ZC3H11A: variants seen among roughly 807,000 people sequenced by gnomAD.
ZC3H11A encodes the protein zinc finger CCCH-type containing 11A.
ZC3H11A carries 22 observed loss-of-function variants against 90.8 expected under a neutral mutation model. The ratio of observed to expected loss-of-function variants is 0.24; its 90% CI spans 0.17 to 0.35. The LOEUF is 0.35. Ranked by LOEUF, ZC3H11A falls within the 10% of genes least tolerant of loss-of-function variation. The pLI is 1.00. For synonymous variants in ZC3H11A, 294 were observed against 339.8 expected, an observed-to-expected ratio of 0.87 and a Z score of 1.48; for missense variants, 701 against 964.9, an observed-to-expected ratio of 0.73 and a Z score of 3.62.
chr1:203,837,423 A>G (rs928116656), intron 10 of ZC3H11A, among the ~76,000 whole-genome samples: 1 of 150,592 alleles, frequency 6.6e-6, no homozygotes, highest in African/African-American at 2.4e-5. Flanking sequence ...ATGTTTGTGT[A>G]TTCTAATTTT....
chr1:203,804,221 G>C (rs1471920548), intron 2 of ZC3H11A, among the ~76,000 whole-genome samples: 1 of 147,478 alleles, frequency 6.8e-6, no homozygotes, highest in East Asian at 2.0e-4. Flanking sequence ...GCGTGATCTC[G>C]ATTCACTGCA....
intron 4 of ZC3H11A, among the ~76,000 whole-genome samples, chr1:203,819,554 G>A (rs1324314876): frequency 1.6e-5 from 1 of 61,298 alleles, no homozygotes; most frequent in African/African-American, 6.6e-5. Context: ...TTTTTTTTGA[G>A]ACAGAGTTTT....
In ZC3H11A at chr1:203,852,407, A is replaced by G. The variant is rs760611223; in HGVS notation, c.*8A>G. On this transcript the variant is annotated 3_prime_UTR_variant, in exon 18 of 18. Coordinates refer to ENST00000367210, the MANE Select transcript of ZC3H11A (RefSeq NM_001376342.1). ...GAAATGATTGATAGCTGAAGGTGGT[A>G]GTGAGGACACTTTAAAAAAAAAATC... 6.2e-7 allele frequency: 1 copy of G among 1,611,922 alleles called. No individual in the cohort carries two copies. The highest frequency in any genetic ancestry group is 2.2e-5 in the East Asian group (1 of 44,860).
At chr1:203,826,154 T>C (rs1410573270) in intron 4 of ZC3H11A, among the ~76,000 whole-genome samples, 1 of 152,200 alleles carries the variant, frequency 6.6e-6, no homozygotes, top group Non-Finnish European at 1.5e-5. Context: ...GTGGTAGCTA[T>C]TACATCTACC....
chr1:203,839,976 G>T (rs59007205), intron 11 of ZC3H11A, among the ~76,000 whole-genome samples: 1 of 131,454 alleles, frequency 7.6e-6, no homozygotes, highest in Non-Finnish European at 1.7e-5. Flanking sequence ...GCTAATTTTT[G>T]TGTTTTTAGT....
intron 2 of ZC3H11A, among the ~76,000 whole-genome samples, chr1:203,805,400 G>A (rs895612275): frequency 1.3e-5 from 2 of 151,986 alleles, no homozygotes; most frequent in African/African-American, 4.8e-5. Context: ...CAAAGTGCTG[G>A]GATTACAGGT....
chr1:203,818,587 C>T lies in ZC3H11A; in HGVS notation c.72C>T (p.Phe24=). 6.2e-7 allele frequency: 1 copy of T among 1,614,008 alleles called. No individual in the cohort carries two copies. The highest frequency in any genetic ancestry group is 8.5e-7 in the Non-Finnish European group (1 of 1,179,986). ...STCTKGDSCP[F]RHCEAAIGNE... ...GTTTACAGGGTGACAGCTGCCCATTCCGTCACTGTGAAGCTGCAATAGGAA... is the reference window on the plus strand; with the variant it reads ...GTTTACAGGGTGACAGCTGCCCATTTCGTCACTGTGAAGCTGCAATAGGAA... Residue 24 remains phenylalanine (F), a synonymous_variant, in exon 4 of 18, where the codon TTC becomes TTT. Coordinates refer to ENST00000367210, the MANE Select transcript of ZC3H11A (RefSeq NM_001376342.1).
intron 4 of ZC3H11A, among the ~76,000 whole-genome samples, chr1:203,822,047 G>A (rs541564510): frequency 1.8e-4 from 28 of 152,206 alleles, no homozygotes; most frequent in Admixed American, 6.5e-4. Flanking sequence ...GTGAGCCACC[G>A]TGCCTGGCCC....
intron 4 of ZC3H11A, among the ~76,000 whole-genome samples, chr1:203,827,055 G>A (rs1001721171): frequency 6.6e-6 from 1 of 152,066 alleles, no homozygotes; most frequent in Non-Finnish European, 1.5e-5. Context: ...AAATGGAATG[G>A]TATAGTATGC....
chr1:203,850,038 T>C lies in ZC3H11A; in HGVS notation c.1939+12T>C, dbSNP rs376496798. The stretch of plus-strand genomic sequence containing the variant: ...AAAAAGGGGTAAAGGCAAGTATTTC[T>C]ATACTGTGTATTGCTTTAGGTTATC... On this transcript the variant is annotated intron_variant, in intron 15 of 17. Transcript: ENST00000367210. 3.8e-5 allele frequency: 61 copies of C among 1,613,344 alleles called. No individual in the cohort carries two copies. The highest frequency in any genetic ancestry group is 5.0e-5 in the Non-Finnish European group (59 of 1,179,754).
In ZC3H11A at chr1:203,828,304, A is replaced by T; in HGVS notation, c.180A>T (p.Lys60Asn). 6.2e-7 allele frequency: 1 copy of T among 1,614,090 alleles called. No homozygotes were observed. The highest frequency in any genetic ancestry group is 8.5e-7 in the Non-Finnish European group (1 of 1,179,968). The change falls in exon 5 of 18, where the codon AAA becomes AAT. Residue 60 changes from lysine (K) to asparagine (N), a missense_variant. Transcript: ENST00000367210. ...TGTGTTTTTCCCTCTTACAGAAAAAACGCAGTGAAATTCCTTGTTATTGGG... is the reference window on the plus strand; with the variant it reads ...TGTGTTTTTCCCTCTTACAGAAAAATCGCAGTGAAATTCCTTGTTATTGGG... ...CRFRHMEIDK[K>N]RSEIPCYWEN...
chr1:203,808,343 C>G (rs984017952), intron 2 of ZC3H11A, among the ~76,000 whole-genome samples: 1 of 152,096 alleles, frequency 6.6e-6, no homozygotes, highest in Non-Finnish European at 1.5e-5. Flanking sequence ...TGTTGTCAAT[C>G]TGATTTTTCC....
intron 16 of ZC3H11A, 32 bp downstream of exon 16, chr1:203,850,713 T>C (rs1689049166): frequency 6.2e-7 from 1 of 1,601,116 alleles, no homozygotes. Context: ...TGGTGCTTTA[T>C]TCTGTGTGGT....
In ZC3H11A at chr1:203,850,619, G is replaced by A. The variant is rs764689623; in HGVS notation, c.2044G>A (p.Ala682Thr). The change falls in exon 16 of 18, where the codon GCT (alanine) becomes ACT (threonine). Residue 682 changes from alanine to threonine, a missense_variant. Ala to Thr is a moderately conservative substitution (Grantham distance 58). Coordinates refer to ENST00000367210, the MANE Select transcript of ZC3H11A (RefSeq NM_001376342.1). ...GGAGATGCACGCTGCTGTCATTGCC[G>A]CTGTGAAGCCACTCAGCTCCAGCAG... Reference protein sequence around the residue: ...AVEMHAAVIAAVKPLSSSSVL... With the variant: ...AVEMHAAVIATVKPLSSSSVL... 222 of 1,613,988 alleles carry A rather than the reference G, an allele frequency of 1.4e-4. No individual in the cohort carries two copies. The highest frequency in any genetic ancestry group is 1.8e-4 in the Non-Finnish European group (213 of 1,180,018).
intron 1 of ZC3H11A, chr1:203,797,227 A>C (rs1258695804): frequency 5.1e-6 from 1 of 194,584 alleles, no homozygotes; most frequent in East Asian, 1.2e-4. Flanking sequence ...TGACTCTGGG[A>C]AAGGGGGACT....
chr1:203,811,254 G>A (rs555284818), intron 2 of ZC3H11A, among the ~76,000 whole-genome samples: 3 of 152,052 alleles, frequency 2.0e-5, no homozygotes, highest in Admixed American at 6.5e-5. Flanking sequence ...GTTGCAGTCA[G>A]CTGAGGTCGT....
At chr1:203,839,932 T>C (rs913489677) in intron 11 of ZC3H11A, among the ~76,000 whole-genome samples, 1 of 151,300 alleles carries the variant, frequency 6.6e-6, no homozygotes, top group Non-Finnish European at 1.5e-5. Flanking sequence ...GCCTCCAGAG[T>C]ATCTGAGATT....
rs201856552 is a variant in ZC3H11A, at chr1:203,833,859, A to T, written c.874+6A>T. ...GAAACGAAAATTTTCAGCAGGTAAG[A>T]TAAGTTTTGTGTATATCTTTTCTTT... On this transcript the variant is annotated splice_donor_region_variant and intron_variant, in intron 10 of 17. Transcript: ENST00000367210. 129 of 1,608,560 alleles carry T rather than the reference A, an allele frequency of 8.0e-5. No homozygotes were observed. In the Middle Eastern group the frequency reaches 1.3e-3, roughly 17 times the overall value.
intron 1 of ZC3H11A, chr1:203,797,542 G>C: frequency 6.6e-7 from 1 of 1,523,662 alleles, no homozygotes; most frequent in Non-Finnish European, 8.7e-7. Flanking sequence ...TGTACTCTAA[G>C]TGTACCAGTT....
Sources: gnomAD v4.1 joint callset for allele counts (sites outside exome capture counted in the v4.1 genomes callset) on GRCh38, gnomAD v4.1.1 for gene constraint, MANE v1.5 for transcripts, NCBI Gene and HGNC (gene_info 2026-07-23, HGNC 2026-07-21) for gene names.